GRIN2B: variants seen among roughly 807,000 people sequenced by gnomAD.
The protein encoded by GRIN2B is glutamate ionotropic receptor NMDA type subunit 2B, also known as glutamate receptor ionotropic, NMDA 2B.
A neutral mutation model predicts 114.5 loss-of-function variants in GRIN2B; 5 were observed. The ratio of observed to expected loss-of-function variants is 0.04; its 90% CI spans 0.02 to 0.09. The LOEUF (loss-of-function observed/expected upper bound fraction) is 0.09, where lower values mean the gene tolerates loss of function less well. Among genes scored for constraint, GRIN2B ranks in the 10% least tolerant of loss-of-function variants. The pLI is 1.00. For synonymous variants in GRIN2B, 787 were observed against 745.1 expected (o/e 1.06, Z -0.92); for missense variants, 1,108 against 1,943.5 (o/e 0.57, Z 8.08).
intron 3 of GRIN2B, among the ~76,000 whole-genome samples, chr12:13,827,909 T>G (rs1437770854): frequency 4.6e-5 from 7 of 152,220 alleles, no homozygotes; most frequent in Non-Finnish European, 8.8e-5. Context: ...CTCGAACTCC[T>G]GACCTCGTGA....
rs1393183189 is a variant in GRIN2B, at chr12:13,570,036, A to C, written c.2172-19T>G. On this transcript the variant is annotated intron_variant, in intron 11 of 13. Coordinates refer to ENST00000609686, the MANE Select transcript of GRIN2B (RefSeq NM_000834.5). ...CAGTTTCCTGTACAGGAAAAAAGCAAACAAATCCAATGGAGGAATTTTAGA... is the reference window on the plus strand; with the variant it reads ...CAGTTTCCTGTACAGGAAAAAAGCACACAAATCCAATGGAGGAATTTTAGA... The C allele has an allele frequency of 1.9e-6, 3 of 1,580,094 alleles. No individual in the cohort carries two copies. In the African/African-American group the frequency reaches 4.0e-5, roughly 21 times the overall value.
At chr12:13,619,260 T>C (rs980986153) in intron 5 of GRIN2B, among the ~76,000 whole-genome samples, 2 of 152,186 alleles carry the variant, frequency 1.3e-5, no homozygotes, top group Non-Finnish European at 2.9e-5. Context: ...AATCTAGCAT[T>C]TTGATGTTTT....
rs1266575520 is a variant in GRIN2B at position 13,546,593 on chromosome 12, C to G, written c.*16190G>C. 1 of 152,010 alleles carries G rather than the reference C, an allele frequency of 6.6e-6. No individual in the cohort carries two copies. 9.4% of individuals were successfully genotyped at this position (152,010 alleles called of 1,614,324 possible). ...CATTTCTCAGAACCAAGCTTTTTGT[C>G]TGCTTGTCACTGAATCTATTTCCCA... On this transcript the variant is annotated 3_prime_UTR_variant, in exon 14 of 14. Coordinates refer to ENST00000609686, the MANE Select transcript of GRIN2B (RefSeq NM_000834.5).
rs1948326553 is a variant in GRIN2B, at chr12:13,545,067, A to C, written c.*17716T>G. Reference sequence around the variant, plus strand: ...CCCCCTCTCTGACCTCACCTCTCATACTCTCCTCCTCCCTCATTGGCCTCC... The same window carrying C: ...CCCCCTCTCTGACCTCACCTCTCATCCTCTCCTCCTCCCTCATTGGCCTCC... On this transcript the variant is annotated 3_prime_UTR_variant, in exon 14 of 14. Coordinates refer to ENST00000609686, the MANE Select transcript of GRIN2B (RefSeq NM_000834.5). 2 of 148,428 alleles carry C rather than the reference A, an allele frequency of 1.3e-5. No individual in the cohort carries two copies. The highest frequency in any genetic ancestry group is 3.0e-5 in the Non-Finnish European group (2 of 67,084). 9.2% of individuals were successfully genotyped at this position (148,428 alleles called of 1,614,324 possible).
intron 3 of GRIN2B, among the ~76,000 whole-genome samples, chr12:13,755,786 C>T (rs2136631431): frequency 6.6e-6 from 1 of 152,296 alleles, no homozygotes; most frequent in South Asian, 2.1e-4. Context: ...CGTTGAAATC[C>T]TAACTCCCAA....
chr12:13,905,820 TTTG>T (rs1443947737), intron 2 of GRIN2B, among the ~76,000 whole-genome samples: 2 of 152,156 alleles, frequency 1.3e-5, no homozygotes, highest in Non-Finnish European at 2.9e-5. Context: ...GGTCTTGTTT[TTTG>T]TTGTTGTTTT....
At chr12:13,912,007 G>A (rs1255912787) in intron 2 of GRIN2B, among the ~76,000 whole-genome samples, 2 of 152,082 alleles carry the variant, frequency 1.3e-5, no homozygotes, top group African/African-American at 2.4e-5. Context: ...TGACTAGTGC[G>A]CACAAATTAA....
chr12:13,573,577 C>A (rs1305041692), intron 10 of GRIN2B, among the ~76,000 whole-genome samples: 1 of 151,850 alleles, frequency 6.6e-6, no homozygotes, highest in Admixed American at 6.6e-5. Context: ...GCTTCTTATT[C>A]TATTAGTACA....
intron 3 of GRIN2B, among the ~76,000 whole-genome samples, chr12:13,758,005 A>C (rs1316902989): frequency 2.6e-5 from 4 of 152,094 alleles, no homozygotes; most frequent in African/African-American, 9.7e-5. Flanking sequence ...TAGGGCTTCC[A>C]CTCAACACCC....
chr12:13,742,184 C>T (rs1379746489), intron 4 of GRIN2B, among the ~76,000 whole-genome samples: 4 of 152,114 alleles, frequency 2.6e-5, no homozygotes, highest in East Asian at 1.9e-4. Context: ...CTTTCTGGGG[C>T]GTAGATGACA....
At chr12:13,694,695 ATATATAT>A (rs1565503144) in intron 4 of GRIN2B, among the ~76,000 whole-genome samples, 22 of 116,732 alleles carry the variant, frequency 1.9e-4, no homozygotes, top group Middle Eastern at 4.9e-3. Context: ...ATATATATAT[ATATATAT>A]AAATTAATTA....
rs1297953202 is a variant in GRIN2B, at chr12:13,758,135, C to G, written c.412-4220G>C. ...AAGACCTAATCTTCTTGCCCTAACT[C>G]TAGACAACTCCAAAGGGTCAGTTTA... On this transcript the variant is annotated intron_variant, in intron 3 of 13. Coordinates refer to ENST00000609686, the MANE Select transcript of GRIN2B (RefSeq NM_000834.5). Among the ~76,000 whole-genome samples, 11 of 152,304 alleles carry G rather than the reference C, an allele frequency of 7.2e-5. No individual in the cohort carries two copies. The South Asian group carries it at 2.3e-3, about 32-fold the overall frequency.
intron 4 of GRIN2B, among the ~76,000 whole-genome samples, chr12:13,733,232 C>T (rs1459683872): frequency 6.6e-6 from 1 of 151,846 alleles, no homozygotes; most frequent in Non-Finnish European, 1.5e-5. Flanking sequence ...CAACCTTGGG[C>T]ATGCTGAACA....
chr12:13,834,536 G>T (rs1368698723), intron 3 of GRIN2B, among the ~76,000 whole-genome samples: 2 of 152,060 alleles, frequency 1.3e-5, no homozygotes, highest in African/African-American at 2.4e-5. Context: ...ACACTGCCTG[G>T]GTTCCCATCA....
At chr12:13,657,293 G>A (rs1250790400) in intron 5 of GRIN2B, among the ~76,000 whole-genome samples, 2 of 152,124 alleles carry the variant, frequency 1.3e-5, no homozygotes, top group Non-Finnish European at 2.9e-5. Flanking sequence ...AGCTTTTAAG[G>A]GCCAAATAGC....
chr12:13,866,589 G>A (rs1309096778), intron 2 of GRIN2B, among the ~76,000 whole-genome samples: 1 of 152,110 alleles, frequency 6.6e-6, no homozygotes, highest in Non-Finnish European at 1.5e-5. Flanking sequence ...ACTGTTCTTG[G>A]GCTGAAGGAA....
intron 5 of GRIN2B, among the ~76,000 whole-genome samples, chr12:13,673,980 C>T (rs1226999172): frequency 6.6e-6 from 1 of 151,968 alleles, no homozygotes; most frequent in Non-Finnish European, 1.5e-5. Flanking sequence ...GTGAAAGCAG[C>T]TTGATTGTAG....
chr12:13,909,996 C>T (rs547686059), intron 2 of GRIN2B, among the ~76,000 whole-genome samples: 1 of 152,288 alleles, frequency 6.6e-6, no homozygotes, highest in African/African-American at 2.4e-5. Flanking sequence ...CCTAGACAAA[C>T]TAAGAGCAGA....
chr12:13,717,200 A>C, intron 4 of GRIN2B, among the ~76,000 whole-genome samples: 1 of 151,760 alleles, frequency 6.6e-6, no homozygotes, highest in Non-Finnish European at 1.5e-5. Context: ...CACAAGTTAA[A>C]TAGCTACTAA....
Sources: gnomAD v4.1 joint callset for allele counts (sites outside exome capture counted in the v4.1 genomes callset) on GRCh38, gnomAD v4.1.1 for gene constraint, MANE v1.5 for transcripts, NCBI Gene and HGNC (gene_info 2026-07-23, HGNC 2026-07-21) for gene names.